RANBP2: variants seen among roughly 807,000 people sequenced by gnomAD.
RANBP2 encodes RAN binding protein 2.
A neutral mutation model predicts 303.6 loss-of-function variants in RANBP2; 57 were observed. That is an observed-to-expected ratio of 0.19 (90% CI 0.15 to 0.23). The LOEUF (loss-of-function observed/expected upper bound fraction) is 0.23. Among genes scored for constraint, RANBP2 ranks in the 10% least tolerant of loss-of-function variants. The pLI, the probability that RANBP2 is intolerant of heterozygous loss-of-function variation, is 1.00. For synonymous variants in RANBP2, 1,167 were observed against 1,301.5 expected (o/e 0.90, Z 2.23); for missense variants, 3,138 against 3,780.8 (o/e 0.83, Z 4.46).
the RANBP2 span, among the ~76,000 whole-genome samples, chr2:109,654,210 C>G: frequency 6.6e-6 from 1 of 151,936 alleles, no homozygotes; most frequent in East Asian, 1.9e-4. Flanking sequence ...TCCCACTACC[C>G]CCACTAACAA....
chr2:108,753,798 G>T (rs1199634323), intron 14 of RANBP2, 27 bp from the exon 15 acceptor site: 1 of 1,611,682 alleles, frequency 6.2e-7, no homozygotes. Flanking sequence ...AAAACCTAAT[G>T]ATTTCATAAA....
the RANBP2 span, among the ~76,000 whole-genome samples, chr2:108,904,651 G>GA: frequency 6.6e-6 from 1 of 152,174 alleles, no homozygotes; most frequent in East Asian, 1.9e-4. Flanking sequence ...ATGGACTATT[G>GA]ATACATGCAA....
At chr2:109,744,477 G>A in the RANBP2 span, among the ~76,000 whole-genome samples, 6 of 89,982 alleles carry the variant, frequency 6.7e-5, 3 homozygotes, top group Non-Finnish European at 1.7e-4. Context: ...ATAGATTCTG[G>A]ATGTAGACCT....
chr2:109,641,026 T>G, the RANBP2 span, among the ~76,000 whole-genome samples: 1 of 152,184 alleles, frequency 6.6e-6, no homozygotes, highest in Non-Finnish European at 1.5e-5. Flanking sequence ...GTCTAAAAAG[T>G]ACATAACTAC....
chr2:109,502,173 A>G, the RANBP2 span: 1 of 148,442 alleles, frequency 6.7e-6, no homozygotes. Context: ...GCTGCTCAGC[A>G]GGGGTGTTTG....
chr2:109,108,675 TC>T, the RANBP2 span, among the ~76,000 whole-genome samples: 1 of 152,192 alleles, frequency 6.6e-6, no homozygotes, highest in Admixed American at 6.5e-5. Flanking sequence ...GAAATAAAGC[TC>T]CCACTTAGCA....
chr2:109,437,161 G>A, the RANBP2 span: 28 of 1,598,736 alleles, frequency 1.8e-5, no homozygotes, highest in Non-Finnish European at 2.1e-5. Context: ...CTTCACAGGG[G>A]CCTCACCCTG....
At chr2:109,163,688 C>T in the RANBP2 span, among the ~76,000 whole-genome samples, 3 of 152,100 alleles carry the variant, frequency 2.0e-5, no homozygotes, top group Non-Finnish European at 2.9e-5. Context: ...CGTGAGCCAC[C>T]GCGCCTGGCC....
At chr2:109,547,623 A>C in the RANBP2 span, among the ~76,000 whole-genome samples, 1 of 152,108 alleles carries the variant, frequency 6.6e-6, no homozygotes, top group Non-Finnish European at 1.5e-5. Flanking sequence ...CAGGCCTTTT[A>C]ATTTATTTTG....
intron 4 of RANBP2, among the ~76,000 whole-genome samples, chr2:108,733,844 C>G (rs1022845334): frequency 4.1e-5 from 6 of 147,352 alleles, no homozygotes; most frequent in African/African-American, 1.6e-4. Flanking sequence ...TTTCCTGTAT[C>G]AGATTTTTTT....
the RANBP2 span, among the ~76,000 whole-genome samples, chr2:109,539,401 C>T: frequency 2.6e-5 from 4 of 152,132 alleles, no homozygotes; most frequent in Non-Finnish European, 4.4e-5. Context: ...TTCTACCACC[C>T]CAAAAGGTTT....
the RANBP2 span, among the ~76,000 whole-genome samples, chr2:109,133,322 G>A: frequency 6.6e-5 from 10 of 152,184 alleles, no homozygotes; most frequent in Non-Finnish European, 1.5e-4. Context: ...CATTGGATCC[G>A]TTTGAAAATC....
At chr2:109,544,129 C>T in the RANBP2 span, 1 of 1,531,258 alleles carries the variant, frequency 6.5e-7, no homozygotes, top group African/African-American at 1.4e-5. Context: ...GTATCATTCA[C>T]TCTGGCTTAT....
intron 7 of RANBP2, among the ~76,000 whole-genome samples, chr2:108,745,949 C>CA (rs1014359517): frequency 6.6e-6 from 1 of 150,960 alleles, no homozygotes; most frequent in Non-Finnish European, 1.5e-5. Flanking sequence ...CTCTGTCGCC[C>CA]AAGCTGGAGC....
chr2:109,415,632 C>A, the RANBP2 span, among the ~76,000 whole-genome samples: 1 of 152,150 alleles, frequency 6.6e-6, no homozygotes, highest in Non-Finnish European at 1.5e-5. Flanking sequence ...TGCCTGTCCT[C>A]CAGGGACGCC....
At chr2:109,024,071 A>G in the RANBP2 span, among the ~76,000 whole-genome samples, 2 of 152,158 alleles carry the variant, frequency 1.3e-5, no homozygotes, top group African/African-American at 4.8e-5. Flanking sequence ...GATTACAGGC[A>G]TGCACCACCA....
At chr2:109,481,682 C>T in the RANBP2 span, among the ~76,000 whole-genome samples, 3 of 152,268 alleles carry the variant, frequency 2.0e-5, no homozygotes, top group South Asian at 2.1e-4. Context: ...GGCTCTGCCT[C>T]GCAGCACCTC....
At chr2:109,765,775 C>T in the RANBP2 span, among the ~76,000 whole-genome samples, 2 of 151,038 alleles carry the variant, frequency 1.3e-5, no homozygotes. Context: ...AAGGATGCTG[C>T]CCAGTAGTGC....
the RANBP2 span, among the ~76,000 whole-genome samples, chr2:109,221,045 A>T: frequency 9.2e-5 from 14 of 152,232 alleles, no homozygotes; most frequent in Non-Finnish European, 1.9e-4. Flanking sequence ...TGTGGTATGT[A>T]TACACAGTTG....
Sources: allele counts gnomAD v4.1 joint callset (sites outside exome capture counted in the v4.1 genomes callset), GRCh38; gene constraint gnomAD v4.1.1; transcripts MANE v1.5; gene names NCBI Gene and HGNC (gene_info 2026-07-23, HGNC 2026-07-21).